Variants in RABGAP1L observed in about 807,000 individuals in gnomAD.
RABGAP1L encodes RAB GTPase activating protein 1 like.
In RABGAP1L, 63 loss-of-function variants were observed where a neutral mutation model predicts 137.7. The observed-to-expected ratio is 0.46, with a 90% CI of 0.37 to 0.56. RABGAP1L has a LOEUF of 0.56. Ranked by LOEUF, RABGAP1L falls within the 20% of genes least tolerant of loss-of-function variation. The probability of loss-of-function intolerance (pLI) is 0.00; values close to 1 mark genes in which losing one functional copy is unlikely to be tolerated. For missense variants in RABGAP1L, 1,095 were observed against 1,244.0 expected, an observed-to-expected ratio of 0.88 and a Z score of 1.80; for synonymous variants, 431 against 433.7, an observed-to-expected ratio of 0.99 and a Z score of 0.08.
chr1:174,786,352 A>G (rs150645537), intron 18 of RABGAP1L, among the ~76,000 whole-genome samples: 20 of 152,366 alleles, frequency 1.3e-4, no homozygotes, highest in African/African-American at 4.6e-4. Flanking sequence ...ATAGCCAACT[A>G]TGTTACTACT....
At chr1:174,294,554 T>C (rs775330594) in intron 10 of RABGAP1L, among the ~76,000 whole-genome samples, 2 of 152,204 alleles carry the variant, frequency 1.3e-5, no homozygotes, top group Non-Finnish European at 2.9e-5. Context: ...GAGGAACCAC[T>C]GAAGGGTTTT....
chr1:174,802,920 T>G (rs1318540138), intron 18 of RABGAP1L, among the ~76,000 whole-genome samples: 2 of 152,216 alleles, frequency 1.3e-5, no homozygotes, highest in African/African-American at 4.8e-5. Flanking sequence ...ACATGCAGTA[T>G]TGCAATCTTT....
intron 17 of RABGAP1L, among the ~76,000 whole-genome samples, chr1:174,726,946 G>A (rs750586643): frequency 2.0e-5 from 3 of 152,024 alleles, no homozygotes; most frequent in Non-Finnish European, 4.4e-5. Flanking sequence ...TCTTAATTTT[G>A]TTTTTGCTCA....
At position 174,515,535 on chromosome 1, in the gene RABGAP1L, G is replaced by C. The variant is rs958860583; in HGVS notation, c.1710+121390G>C. Among the ~76,000 whole-genome samples, 20 of 150,352 alleles carry C rather than the reference G, an allele frequency of 1.3e-4. 1 individual carries two copies. The highest frequency in any genetic ancestry group is 5.0e-4 in the African/African-American group (20 of 40,050). The stretch of plus-strand genomic sequence containing the variant: ...AGTATTATACTGTAGTTTGAAGACT[G>C]ATTTGTTACATTTGCAAATTGGTTG... On this transcript the variant is annotated intron_variant, in intron 13 of 25. Coordinates refer to ENST00000681986, the MANE Select transcript of RABGAP1L (RefSeq NM_001366446.1).
chr1:174,621,864 A>C (rs1416444469), intron 13 of RABGAP1L, among the ~76,000 whole-genome samples: 1 of 152,222 alleles, frequency 6.6e-6, no homozygotes, highest in Admixed American at 6.5e-5. Flanking sequence ...GGATCTAATT[A>C]AACTAAAGAG....
rs921700269 is a variant in RABGAP1L, at chr1:174,674,177, T to C, written c.1825-9345T>C. ...TATGTATACATGTGCCATGCTGGTG[T>C]GCTGCACCCATTAACTCGTCATTTA... On this transcript the variant is annotated intron_variant, in intron 14 of 25. Transcript: ENST00000681986. Among the ~76,000 whole-genome samples, 6 of 151,540 alleles carry C rather than the reference T, an allele frequency of 4.0e-5. No individual in the cohort carries two copies. The South Asian group carries it at 1.0e-3, about 27-fold the overall frequency.
At chr1:174,621,271 A>G (rs189807264) in intron 13 of RABGAP1L, among the ~76,000 whole-genome samples, 55,791 of 151,994 alleles carry the variant, frequency 0.37, 13,497 homozygotes, top group African/African-American at 0.69. Context: ...GAAAATGGCC[A>G]TACTCCCCAA....
chr1:174,652,672 T>A (rs987932277), intron 14 of RABGAP1L, among the ~76,000 whole-genome samples: 2 of 152,192 alleles, frequency 1.3e-5, no homozygotes, highest in African/African-American at 4.8e-5. Context: ...CTCTGGAGGC[T>A]TTGTCCTAGA....
intron 19 of RABGAP1L, among the ~76,000 whole-genome samples, chr1:174,952,879 C>T (rs1469578918): frequency 1.3e-5 from 2 of 151,916 alleles, no homozygotes; most frequent in Non-Finnish European, 2.9e-5. Flanking sequence ...CATGAGCCAC[C>T]ACACCTGGCC....
chr1:174,416,950 A>G (rs1650667735), intron 13 of RABGAP1L, among the ~76,000 whole-genome samples: 1 of 151,964 alleles, frequency 6.6e-6, no homozygotes. Context: ...ATTGTTCTTG[A>G]TGTTGTTTTT....
At position 174,473,847 on chromosome 1, in the gene RABGAP1L, CT is replaced by C. The variant is rs576740376; in HGVS notation, c.1710+79704del. 1.2e-3 allele frequency among the ~76,000 whole-genome samples: 178 copies of C among 152,290 alleles called. 1 individual carries two copies. The highest frequency in any genetic ancestry group is 4.2e-3 in the African/African-American group (174 of 41,574). The stretch of plus-strand genomic sequence containing the variant: ...GAATCTTAAAAGTTCTTGGAGATTG[CT>C]TCTCCCCTCTAACTCCGTTGTAGTA... On this transcript the variant is annotated intron_variant, in intron 13 of 25. Transcript: ENST00000681986.
chr1:174,422,945 CAAAA>C (rs202100563), intron 13 of RABGAP1L, among the ~76,000 whole-genome samples: 2 of 79,640 alleles, frequency 2.5e-5, no homozygotes, highest in African/African-American at 4.4e-5. Flanking sequence ...AGATTCTGTC[CAAAA>C]AAAAAAAAAA....
intron 11 of RABGAP1L, among the ~76,000 whole-genome samples, chr1:174,306,716 G>C (rs955329029): frequency 2.0e-5 from 3 of 151,658 alleles, no homozygotes; most frequent in African/African-American, 4.8e-5. Flanking sequence ...TGGAAATAGT[G>C]GGGTATCTGC....
chr1:174,163,255 G>T (rs565780621), intron 1 of RABGAP1L, among the ~76,000 whole-genome samples: 11 of 152,236 alleles, frequency 7.2e-5, no homozygotes, highest in South Asian at 6.2e-4. Flanking sequence ...TTTGAATTGG[G>T]TATAAGTATG....
At chr1:174,205,144 A>G (rs572479418) in intron 1 of RABGAP1L, among the ~76,000 whole-genome samples, 2 of 152,266 alleles carry the variant, frequency 1.3e-5, no homozygotes, top group East Asian at 3.9e-4. Flanking sequence ...CATCCTGGAG[A>G]TGAAGGCTGC....
At chr1:174,238,753 CT>C (rs1462231913) in intron 4 of RABGAP1L, 1 of 150,864 alleles carries the variant, frequency 6.6e-6, no homozygotes, top group African/African-American at 2.5e-5. Context: ...GAGGTGGAGC[CT>C]ACAGAGGCAG....
At chr1:174,705,602 A>G (rs1679987320) in intron 17 of RABGAP1L, 1 of 152,204 alleles carries the variant, frequency 6.6e-6, no homozygotes, top group South Asian at 2.1e-4. Flanking sequence ...AGTAAATGGT[A>G]ACATCCTTTA....
intron 19 of RABGAP1L, among the ~76,000 whole-genome samples, chr1:174,912,785 A>G (rs150590239): frequency 1.3e-5 from 2 of 152,330 alleles, no homozygotes; most frequent in African/African-American, 2.4e-5. Flanking sequence ...TTTTAATAGT[A>G]TCAGCTTCTG....
chr1:174,378,291 G>A (rs1685757127), intron 12 of RABGAP1L, among the ~76,000 whole-genome samples: 1 of 151,682 alleles, frequency 6.6e-6, no homozygotes, highest in African/African-American at 2.4e-5. Flanking sequence ...AGTCCTTTGG[G>A]TATATACCGA....
Sources: allele counts gnomAD v4.1 joint callset (sites outside exome capture counted in the v4.1 genomes callset), GRCh38; gene constraint gnomAD v4.1.1; transcripts MANE v1.5; gene names NCBI Gene and HGNC (gene_info 2026-07-23, HGNC 2026-07-21).